PNN: variants seen among roughly 807,000 people sequenced by gnomAD.
PNN encodes the protein pinin, desmosome associated protein, also known as pinin.
Under a neutral mutation model 76.6 loss-of-function variants are expected in PNN, and 38 were observed. That is an observed-to-expected ratio of 0.50 (90% CI 0.38 to 0.65). The LOEUF (loss-of-function observed/expected upper bound fraction) is 0.65. Among genes scored for constraint, PNN ranks in the 30% least tolerant of loss-of-function variants. The probability of loss-of-function intolerance (pLI) is 0.00; values close to 1 mark genes in which losing one functional copy is unlikely to be tolerated. For missense variants in PNN, 873 were observed against 874.1 expected (o/e 1.00, Z 0.02); for synonymous variants, 366 against 283.7 (o/e 1.29, Z -2.91).
Position 39,181,446 on chromosome 14 carries a change from CAGTAGCAGTTCT to C in PNN, c.1749_1760del (p.Ser584_Ser587del), listed in dbSNP as rs1218481511. ...GCAAGAGTAGAAGTCGAAGCAGTAG[CAGTAGCAGTTCT>C]AGTAGCAGTTCAACCAGTAGCAGCA... On this transcript the variant is annotated inframe_deletion, in exon 9 of 9. Transcript: ENST00000216832. The C allele has an allele frequency of 4.3e-6, 7 of 1,613,352 alleles. No individual in the cohort carries two copies. The highest frequency in any genetic ancestry group is 1.1e-5 in the South Asian group (1 of 91,046).
Position 39,182,006 on chromosome 14 carries a change from T to C in PNN, c.*143T>C, listed in dbSNP as rs2053274208. 1 of 739,124 alleles carries C rather than the reference T, an allele frequency of 1.4e-6. No individual in the cohort carries two copies. Among genetic ancestry groups the C allele is most frequent in the Admixed American group, 3.4e-5 (1 of 29,016 alleles). 45.8% of individuals were successfully genotyped at this position (739,124 alleles called of 1,614,324 possible). A position where few individuals can be genotyped will look rare whatever the true frequency, so the allele number is the denominator to read the frequency against. On this transcript the variant is annotated 3_prime_UTR_variant, in exon 9 of 9. Transcript: ENST00000216832. Reference sequence around the variant, plus strand: ...TTTTGGAAAATACAGACTGTTTGTTTACCAGACATTCTTGTACTTTTTGCA... The same window carrying C: ...TTTTGGAAAATACAGACTGTTTGTTCACCAGACATTCTTGTACTTTTTGCA...
chr14:39,178,459 G>A (rs1848282411), intron 6 of PNN, among the ~76,000 whole-genome samples: 1 of 152,156 alleles, frequency 6.6e-6, no homozygotes, highest in African/African-American at 2.4e-5. Context: ...TTGAACCCTG[G>A]AGGTGAGGTT....
rs555684582 is a variant in PNN, at chr14:39,176,723, C to T, written c.254+128C>T. On this transcript the variant is annotated intron_variant, in intron 3 of 8. Coordinates refer to ENST00000216832, the MANE Select transcript of PNN (RefSeq NM_002687.4). ...GAGTGGTATGCCACTCCCTGCCCCC[C>T]CCAAGTTCTGTTGGTATTTGACTGA... 9.1e-6 allele frequency: 6 copies of T among 657,818 alleles called. No homozygotes were observed. In the East Asian group the frequency reaches 1.1e-4, roughly 12 times the overall value. The allele number at this position is 657,818 out of a possible 1,614,324, so 40.7% of individuals were successfully genotyped here.
chr14:39,178,882 G>A (rs1017146871), intron 6 of PNN: 1 of 466,598 alleles, frequency 2.1e-6, no homozygotes, highest in Non-Finnish European at 3.8e-6. Context: ...GGGATTATAG[G>A]TGCGTGCAAC....
At chr14:39,175,447 C>T (rs1392301643) in intron 1 of PNN, 55 bp downstream of exon 1, 5 of 1,077,432 alleles carry the variant, frequency 4.6e-6, no homozygotes, top group Non-Finnish European at 7.1e-6. Flanking sequence ...GCCCTCAGGT[C>T]GGGGTGAATT....
chr14:39,176,429 G>C (rs1383828421), intron 2 of PNN, 98 bp from the exon 3 acceptor site: 2 of 920,668 alleles, frequency 2.2e-6, no homozygotes, highest in Non-Finnish European at 3.3e-6. Flanking sequence ...TACTTTAGTT[G>C]GAAAGATTTT....
Position 39,181,172 on chromosome 14 carries a change from C to G in PNN, c.1463C>G (p.Ser488Cys). 1.9e-6 allele frequency: 3 copies of G among 1,606,726 alleles called. No homozygotes were observed. Among genetic ancestry groups the G allele is most frequent in the Non-Finnish European group, 2.6e-6 (3 of 1,173,308 alleles). Residue 488 changes from serine to cysteine, a missense_variant, in exon 9 of 9, where the codon TCC (serine) becomes TGC (cysteine). By Grantham distance (112) the Ser-to-Cys change is moderately radical. Coordinates refer to ENST00000216832, the MANE Select transcript of PNN (RefSeq NM_002687.4). ...TCTCAGCCCCAGCTTCAGCTTCAAT[C>G]CCAGTCCCAACCAGTACTCCAGTCC... ...PQSQPQLQLQSQSQPVLQSQP... is the reference protein window; with the variant it reads ...PQSQPQLQLQCQSQPVLQSQP...
chr14:39,176,029 C>T, intron 1 of PNN, 49 bp from the exon 2 acceptor site: 2 of 958,346 alleles, frequency 2.1e-6, no homozygotes, highest in Admixed American at 1.9e-5. Flanking sequence ...TTGGGTGCGA[C>T]TGTGTGTGTC....
At position 39,181,376 on chromosome 14, in the gene PNN, C is replaced by T. The variant is rs1456491502; in HGVS notation, c.1667C>T (p.Thr556Ile). Residue 556 changes from threonine to isoleucine, a missense_variant, in exon 9 of 9, where the codon ACC becomes ATC. By Grantham distance (89) the Thr-to-Ile change is moderately conservative. Around this residue, in one of 3 missense-constraint regions of PNN, gnomAD observed 712 missense variants for 693.1 expected, o/e 1.03. Transcript: ENST00000216832. ...GTACATCCAGAGAGCAAGAGCAAAACCAAAACTAGGAGCAGAAGTAGAGGT... is the reference window on the plus strand; with the variant it reads ...GTACATCCAGAGAGCAAGAGCAAAATCAAAACTAGGAGCAGAAGTAGAGGT... The part of the protein sequence containing the change: ...LTVHPESKSK[T>I]KTRSRSRGRA... 3.1e-6 allele frequency: 5 copies of T among 1,614,066 alleles called. No homozygotes were observed. The highest frequency in any genetic ancestry group is 4.2e-6 in the Non-Finnish European group (5 of 1,180,058).
At position 39,177,908 on chromosome 14, in the gene PNN, A is replaced by G. The variant is rs2053241517; in HGVS notation, c.490A>G (p.Thr164Ala). The change falls in exon 6 of 9, where the codon ACT becomes GCT. Residue 164 changes from threonine to alanine, a missense_variant. Thr to Ala is a moderately conservative substitution (Grantham distance 58, BLOSUM62 0). Transcript: ENST00000216832. ...QKFKQESTVA[T>A]ERQKRRQEIE... ...ATTTAAACAAGAATCCACTGTTGCT[A>G]CTGAAAGGGTATTTATCCAAGTTTT... 1.9e-6 allele frequency: 3 copies of G among 1,596,896 alleles called. No homozygotes were observed. The highest frequency in any genetic ancestry group is 2.2e-5 in the East Asian group (1 of 44,794).
chr14:39,181,822 G>A lies in PNN; in HGVS notation c.2113G>A (p.Glu705Lys). 1 of 1,603,380 alleles carries A rather than the reference G, an allele frequency of 6.2e-7. No individual in the cohort carries two copies. The highest frequency in any genetic ancestry group is 8.5e-7 in the Non-Finnish European group (1 of 1,177,364). ...ATCAGGCAAAAGATCTTCAAGAAGT[G>A]AAAGAGACCGAAAATCAGACAGGAA... ...SRSGKRSSRSERDRKSDRKDK... is the reference protein window; with the variant it reads ...SRSGKRSSRSKRDRKSDRKDK... Residue 705 changes from glutamate (E) to lysine (K), a missense_variant, in exon 9 of 9, where the codon GAA becomes AAA. Transcript: ENST00000216832.
rs1555337854 is a variant in PNN, at chr14:39,176,453, A to G, written c.186-74A>G. 65 of 1,156,170 alleles carry G rather than the reference A, an allele frequency of 5.6e-5. 1 individual carries two copies. The South Asian group carries it at 7.6e-4, about 14-fold the overall frequency. 71.6% of individuals were successfully genotyped at this position (1,156,170 alleles called of 1,614,324 possible). On this transcript the variant is annotated intron_variant, in intron 2 of 8. Transcript: ENST00000216832. Reference sequence around the variant, plus strand: ...TGGAAAGATTTTTGAAAGTTTAACCATATTCTCTTGTCAAATGGAAATACC... The same window carrying G: ...TGGAAAGATTTTTGAAAGTTTAACCGTATTCTCTTGTCAAATGGAAATACC...
In PNN at chr14:39,182,401, A is replaced by G. The variant is rs931722777; in HGVS notation, c.*538A>G. On this transcript the variant is annotated 3_prime_UTR_variant, in exon 9 of 9. Coordinates refer to ENST00000216832, the MANE Select transcript of PNN (RefSeq NM_002687.4). ...GACAGTTTTTAGTTGTCAGAGTCAG[A>G]GCTTTGCAGCTTTGAGGGGGAACAG... 3 of 152,936 alleles carry G rather than the reference A, an allele frequency of 2.0e-5. No homozygotes were observed. Among genetic ancestry groups the G allele is most frequent in the African/African-American group, 7.2e-5 (3 of 41,452 alleles). 9.5% of individuals were successfully genotyped at this position (152,936 alleles called of 1,614,324 possible).
intron 8 of PNN, among the ~76,000 whole-genome samples, chr14:39,179,901 CAA>C (rs548024138): frequency 2.3e-4 from 26 of 113,002 alleles, no homozygotes; most frequent in Admixed American, 3.8e-4. Context: ...GACTCCATCT[CAA>C]AAAAAAAAAA....
In PNN at chr14:39,175,415, G is replaced by A. The variant is rs747350042; in HGVS notation, c.113+23G>A. 5 of 1,447,494 alleles carry A rather than the reference G, an allele frequency of 3.5e-6. No homozygotes were observed. In the South Asian group the frequency reaches 5.7e-5, roughly 17 times the overall value. The allele number at this position is 1,447,494 out of a possible 1,614,324, so 89.7% of individuals were successfully genotyped here. On this transcript the variant is annotated intron_variant, in intron 1 of 8. Transcript: ENST00000216832. ...GAGGTAAGGGCCTAACGGGAACTCG[G>A]AACTCGGAGCTCGGAGAGGCAGCCC...
chr14:39,182,841 C>T lies in PNN; in HGVS notation c.*978C>T, dbSNP rs908967631. 2.6e-5 allele frequency: 4 copies of T among 152,598 alleles called. No individual in the cohort carries two copies. Among genetic ancestry groups the T allele is most frequent in the Admixed American group, 2.0e-4 (3 of 15,282 alleles). The allele number at this position is 152,598 out of a possible 1,614,324, so 9.5% of individuals were successfully genotyped here. On this transcript the variant is annotated 3_prime_UTR_variant, in exon 9 of 9. Coordinates refer to ENST00000216832, the MANE Select transcript of PNN (RefSeq NM_002687.4). ...GTAAGCAAGATAACACACAAGTGTA[C>T]CAAGTGATTATTAACTTTGTTGTTT... is the stretch of plus-strand genomic sequence containing the variant.
Position 39,181,163 on chromosome 14 carries a change from A to G in PNN, c.1454A>G (p.Gln485Arg). ...CAGCCTCAGTCTCAGCCCCAGCTTC[A>G]GCTTCAATCCCAGTCCCAACCAGTA... is the stretch of plus-strand genomic sequence containing the variant. ...QPQPQSQPQL[Q>R]LQSQSQPVLQ... Residue 485 changes from glutamine to arginine, a missense_variant, in exon 9 of 9, where the codon CAG (glutamine) becomes CGG (arginine). Coordinates refer to ENST00000216832, the MANE Select transcript of PNN (RefSeq NM_002687.4). 1 of 1,606,538 alleles carries G rather than the reference A, an allele frequency of 6.2e-7. No individual in the cohort carries two copies. Among genetic ancestry groups the G allele is most frequent in the Non-Finnish European group, 8.5e-7 (1 of 1,173,186 alleles).
In PNN at chr14:39,176,477, C is replaced by A. The variant is rs772962481; in HGVS notation, c.186-50C>A. 2.0e-5 allele frequency: 26 copies of A among 1,320,784 alleles called. No homozygotes were observed. The East Asian group carries it at 2.3e-4, about 12-fold the overall frequency. The allele number at this position is 1,320,784 out of a possible 1,614,324, so 81.8% of individuals were successfully genotyped here. A position where few individuals can be genotyped will look rare whatever the true frequency, so the allele number is the denominator to read the frequency against. ...CATATTCTCTTGTCAAATGGAAATA[C>A]CATTTATCTTGTATTTCAAGTGTTT... On this transcript the variant is annotated intron_variant, in intron 2 of 8. Transcript: ENST00000216832.
Position 39,182,017 on chromosome 14 carries a change from C to A in PNN, c.*154C>A. 1.5e-6 allele frequency: 1 copy of A among 667,050 alleles called. No homozygotes were observed. The highest frequency in any genetic ancestry group is 2.3e-6 in the Non-Finnish European group (1 of 430,648). 41.3% of individuals were successfully genotyped at this position (667,050 alleles called of 1,614,324 possible). On this transcript the variant is annotated 3_prime_UTR_variant, in exon 9 of 9. Transcript: ENST00000216832. Reference sequence around the variant, plus strand: ...ACAGACTGTTTGTTTACCAGACATTCTTGTACTTTTTGCATAATTTTGTAA... The same window carrying A: ...ACAGACTGTTTGTTTACCAGACATTATTGTACTTTTTGCATAATTTTGTAA...
Sources: allele counts gnomAD v4.1 joint callset (sites outside exome capture counted in the v4.1 genomes callset), GRCh38; gene constraint gnomAD v4.1.1; regional missense constraint gnomAD v4.1.1; transcripts MANE v1.5; gene names NCBI Gene and HGNC (gene_info 2026-07-23, HGNC 2026-07-21).